ZNF428: variants seen among roughly 807,000 people sequenced by gnomAD.
ZNF428 encodes the protein zinc finger protein 428, also known as enzyme-like protein PIT13.
In ZNF428, 5 loss-of-function variants were observed where a neutral mutation model predicts 15.6. The ratio of observed to expected loss-of-function variants is 0.32; its 90% confidence interval spans 0.17 to 0.67. The LOEUF (loss-of-function observed/expected upper bound fraction) is 0.67. ZNF428 is among the 30% of genes least tolerant of loss of function. The probability of loss-of-function intolerance (pLI) is 0.73; values close to 1 mark genes in which losing one functional copy is unlikely to be tolerated. For synonymous variants in ZNF428, 97 were observed against 102.2 expected, an observed-to-expected ratio of 0.95 and a Z score of 0.31; for missense variants, 237 against 256.0, an observed-to-expected ratio of 0.93 and a Z score of 0.51.
chr19:43,613,979 T>C, intron 2 of ZNF428: 1 of 1,551,522 alleles, frequency 6.4e-7, no homozygotes. Context: ...TCATAGCCGA[T>C]CTAGAACCCC....
At chr19:43,617,577 G>A (rs1334788948) in intron 1 of ZNF428, among the ~76,000 whole-genome samples, 1 of 152,224 alleles carries the variant, frequency 6.6e-6, no homozygotes, top group Non-Finnish European at 1.5e-5. Context: ...ATAATTGGCA[G>A]AGGAGAATTC....
chr19:43,617,915 G>A (rs972998044), intron 1 of ZNF428, among the ~76,000 whole-genome samples: 3 of 151,966 alleles, frequency 2.0e-5, no homozygotes, highest in Admixed American at 2.0e-4. Context: ...AGGTTGGAGC[G>A]CAGTAGCGCG....
chr19:43,616,955 G>C (rs553873367), intron 1 of ZNF428, among the ~76,000 whole-genome samples: 1 of 151,420 alleles, frequency 6.6e-6, no homozygotes, highest in South Asian at 2.1e-4. Flanking sequence ...CACCATGCCC[G>C]GCTAATTTTT....
In ZNF428 at chr19:43,607,516, G is replaced by A. The variant is rs1205447607; in HGVS notation, c.*101C>T. The A allele has an allele frequency of 2.2e-6, 3 of 1,390,618 alleles. No homozygotes were observed. The highest frequency in any genetic ancestry group is 1.9e-6 in the Non-Finnish European group (2 of 1,040,976). 86.1% of individuals were successfully genotyped at this position (1,390,618 alleles called of 1,614,324 possible). A position where few individuals can be genotyped will look rare whatever the true frequency, so the allele number is the denominator to read the frequency against. ...TCTACTTCTAAGACAACACAGACCG[G>A]CAGTACCCCATCCCCCATGACCACT... is the stretch of plus-strand genomic sequence containing the variant. On this transcript the variant is annotated 3_prime_UTR_variant, in exon 3 of 3. Coordinates refer to ENST00000300811, the MANE Select transcript of ZNF428 (RefSeq NM_182498.4). This position sits in a 1 kb window ranked among gnomAD's most constrained non-coding sequence, Gnocchi z 5.1.
intron 1 of ZNF428, 65 bp from the exon 2 acceptor site, chr19:43,614,499 C>T: frequency 7.2e-7 from 1 of 1,395,866 alleles, no homozygotes; most frequent in South Asian, 1.6e-5. Context: ...CCCATCCCCA[C>T]CAAGCCCAAC....
At chr19:43,616,680 C>CTACTCCCA (rs1973374519) in intron 1 of ZNF428, among the ~76,000 whole-genome samples, 1 of 152,174 alleles carries the variant, frequency 6.6e-6, no homozygotes. Context: ...GTGGCCATTA[C>CTACTCCCA]TACTCCCACC....
chr19:43,608,364 A>C, intron 2 of ZNF428: 1 of 426,862 alleles, frequency 2.3e-6, no homozygotes, highest in Non-Finnish European at 4.1e-6. Context: ...ACAGTGGCTT[A>C]TGCCTGTAAT....
chr19:43,607,738 C>G lies in ZNF428; in HGVS notation c.446G>C (p.Arg149Pro), dbSNP rs11553724. Residue 149 changes from arginine to proline, a missense_variant, in exon 3 of 3, where the codon CGG becomes CCG. By Grantham distance (103) the Arg-to-Pro change is moderately radical. Transcript: ENST00000300811. This position sits in a 1 kb window ranked among gnomAD's most constrained non-coding sequence, Gnocchi z 5.1. The part of the protein sequence containing the change: ...PRAGEGRPAG[R>P]EEEEEEEEEG... ...CTCCTCCTCTTCCTCCTCCTCCTCC[C>G]GCCCAGCTGGTCGGCCCTCCCCAGC... 6.2e-7 allele frequency: 1 copy of G among 1,611,734 alleles called. No homozygotes were observed. Among genetic ancestry groups the G allele is most frequent in the African/African-American group, 1.3e-5 (1 of 74,476 alleles).
At position 43,619,040 on chromosome 19, in the gene ZNF428, G is replaced by T. The variant is rs188818685; in HGVS notation, c.-131+518C>A. ...GTGCTGGAGACCCCACAATGCCCTG[G>T]GCCTATAGCAGTCAATTCCCAAGAT... is the stretch of plus-strand genomic sequence containing the variant. On this transcript the variant is annotated intron_variant, in intron 1 of 2. Coordinates refer to ENST00000300811, the MANE Select transcript of ZNF428 (RefSeq NM_182498.4). Among the ~76,000 whole-genome samples, 5 of 152,158 alleles carry T rather than the reference G, an allele frequency of 3.3e-5. No homozygotes were observed. In the East Asian group the frequency reaches 9.7e-4, roughly 30 times the overall value.
intron 1 of ZNF428, among the ~76,000 whole-genome samples, chr19:43,615,557 G>C (rs1416406953): frequency 6.6e-6 from 1 of 151,414 alleles, no homozygotes; most frequent in African/African-American, 2.4e-5. Flanking sequence ...AATTACAAAA[G>C]TTAGCCGGTG....
chr19:43,609,809 T>C (rs1206544560), intron 2 of ZNF428, among the ~76,000 whole-genome samples: 1 of 151,650 alleles, frequency 6.6e-6, no homozygotes, highest in Non-Finnish European at 1.5e-5. Flanking sequence ...TCAGCTGCCA[T>C]TATGGGGGCG....
At position 43,607,787 on chromosome 19, in the gene ZNF428, C is replaced by T; in HGVS notation, c.397G>A (p.Glu133Lys). The T allele has an allele frequency of 6.3e-7, 1 of 1,590,706 alleles. No homozygotes were observed. The highest frequency in any genetic ancestry group is 2.3e-5 in the East Asian group (1 of 43,456). ...GCCCGAGGTGGTTCCTCCTCTTCCTCCCCGAGGGCCCTGCCTTCAGGGGCT... is the reference window on the plus strand; with the variant it reads ...GCCCGAGGTGGTTCCTCCTCTTCCTTCCCGAGGGCCCTGCCTTCAGGGGCT... ...APAPEGRALG[E>K]EEEEPPRAGE... The change falls in exon 3 of 3, where the codon GAG becomes AAG. Residue 133 changes from glutamate to lysine, a missense_variant. Glu to Lys is a moderately conservative substitution (Grantham distance 56, BLOSUM62 1). Transcript: ENST00000300811. This position sits in a 1 kb window ranked among gnomAD's most constrained non-coding sequence, Gnocchi z 5.1.
At chr19:43,608,176 C>G in intron 2 of ZNF428, 69 bp from the exon 3 acceptor site, 1 of 1,543,504 alleles carries the variant, frequency 6.5e-7, no homozygotes, top group South Asian at 1.3e-5. Context: ...CTGTCCCCTC[C>G]CTGAATCCCC....
chr19:43,612,915 G>A lies in ZNF428; in HGVS notation c.76+1314C>T. The A allele has an allele frequency of 3.2e-6, 5 of 1,551,706 alleles. No homozygotes were observed. Among genetic ancestry groups the A allele is most frequent in the Non-Finnish European group, 4.4e-6 (5 of 1,146,988 alleles). On this transcript the variant is annotated intron_variant, in intron 2 of 2. Coordinates refer to ENST00000300811, the MANE Select transcript of ZNF428 (RefSeq NM_182498.4). The surrounding 1 kb of genome is among the most constrained non-coding windows in gnomAD (Gnocchi z 4.2). Reference sequence around the variant, plus strand: ...TACAGCCCCACTGAAATGTCCAGCAGGGTCAAGAGTTATAACCAGGCCAGC... The same window carrying A: ...TACAGCCCCACTGAAATGTCCAGCAAGGTCAAGAGTTATAACCAGGCCAGC...
In ZNF428 at chr19:43,612,864, T is replaced by C. The variant is rs1973317709; in HGVS notation, c.76+1365A>G. 2 of 1,551,628 alleles carry C rather than the reference T, an allele frequency of 1.3e-6. No homozygotes were observed. The highest frequency in any genetic ancestry group is 1.7e-6 in the Non-Finnish European group (2 of 1,146,972). On this transcript the variant is annotated intron_variant, in intron 2 of 2. Transcript: ENST00000300811. The surrounding 1 kb of genome is among the most constrained non-coding windows in gnomAD (Gnocchi z 4.2). ...AGGAAGGTGAAGAGCTACGGTCAGA[T>C]GATCATCCCCAGTAGGGAAAAGAGT...
intron 2 of ZNF428, chr19:43,613,956 G>A (rs1348441487): frequency 6.4e-7 from 1 of 1,551,542 alleles, no homozygotes; most frequent in African/African-American, 1.4e-5. Flanking sequence ...AGAGCCTCCA[G>A]CAAGGAGAAA....
rs1973348831 is a variant in ZNF428, at chr19:43,614,250, C to A, written c.55G>T (p.Asp19Tyr). The stretch of plus-strand genomic sequence containing the variant: ...TTACCTGGGGAAAGGTCTTCATCAT[C>A]TTCTTCCAAGCTGGCGTAGCCCCCA... ...ETGGYASLEE[D>Y]DEDLSPGPEH... is the part of the protein sequence containing the mutation. Residue 19 changes from aspartate (D) to tyrosine (Y), a missense_variant, in exon 2 of 3, where the codon GAT (aspartate) becomes TAT (tyrosine). Asp to Tyr is a radical substitution (Grantham distance 160). Transcript: ENST00000300811. The A allele has an allele frequency of 6.2e-7, 1 of 1,614,006 alleles. No homozygotes were observed. The highest frequency in any genetic ancestry group is 1.3e-5 in the African/African-American group (1 of 74,938).
intron 1 of ZNF428, among the ~76,000 whole-genome samples, chr19:43,617,556 A>G (rs1372306023): frequency 1.3e-5 from 2 of 152,242 alleles, no homozygotes; most frequent in Admixed American, 6.5e-5. Context: ...TGGCTTTTAA[A>G]GACAGATTTC....
chr19:43,612,843 A>G lies in ZNF428; in HGVS notation c.76+1386T>C. On this transcript the variant is annotated intron_variant, in intron 2 of 2. Transcript: ENST00000300811. This position sits in a 1 kb window ranked among gnomAD's most constrained non-coding sequence, Gnocchi z 4.2. ...AACCCATCTCCATCCTCATCAAGGA[A>G]GGTGAAGAGCTACGGTCAGATGATC... 1.9e-6 allele frequency: 3 copies of G among 1,551,722 alleles called. No individual in the cohort carries two copies. The highest frequency in any genetic ancestry group is 2.6e-6 in the Non-Finnish European group (3 of 1,147,006).
Sources: gnomAD v4.1 joint callset for allele counts (sites outside exome capture counted in the v4.1 genomes callset) on GRCh38, gnomAD v4.1.1 for gene constraint, Gnocchi (gnomAD v3.1) non-coding constraint, MANE v1.5 for transcripts, NCBI Gene and HGNC (gene_info 2026-07-23, HGNC 2026-07-21) for gene names.